Variants in LEMD1 observed in about 807,000 individuals in gnomAD.
The protein encoded by LEMD1 is LEM domain containing 1.
In LEMD1, 18 loss-of-function variants were observed where a neutral mutation model predicts 17.4. The ratio of observed to expected loss-of-function variants is 1.04; its 90% confidence interval spans 0.72 to 1.54. The LOEUF (loss-of-function observed/expected upper bound fraction) is 1.54, where lower values mean the gene tolerates loss of function less well. Ranked by LOEUF, LEMD1 falls within the 40% of genes most tolerant of loss-of-function variation. The pLI is 0.00. For synonymous variants in LEMD1, 88 were observed against 77.8 expected (o/e 1.13, Z -0.69); for missense variants, 195 against 210.4 (o/e 0.93, Z 0.45).
chr1:205,438,810 A>G (rs907089651), intron 1 of LEMD1, among the ~76,000 whole-genome samples: 12 of 152,074 alleles, frequency 7.9e-5, no homozygotes, highest in African/African-American at 2.9e-4. Context: ...CTCTGGAGCC[A>G]AGGGAGTTCT....
intron 4 of LEMD1, among the ~76,000 whole-genome samples, chr1:205,388,861 A>T (rs1312800718): frequency 6.6e-6 from 1 of 152,034 alleles, no homozygotes; most frequent in Non-Finnish European, 1.5e-5. Flanking sequence ...TTTTGTGCTA[A>T]TTCTGGCCTA....
intron 4 of LEMD1, among the ~76,000 whole-genome samples, chr1:205,407,329 C>CA (rs1202450022): frequency 0.14 from 7,618 of 54,834 alleles, 401 homozygotes; most frequent in Non-Finnish European, 0.19. Flanking sequence ...GACCCCATCT[C>CA]AAAAAAAAAA....
intron 4 of LEMD1, among the ~76,000 whole-genome samples, chr1:205,395,521 G>A (rs1207307124): frequency 6.6e-6 from 1 of 151,702 alleles, no homozygotes; most frequent in Non-Finnish European, 1.5e-5. Flanking sequence ...TTGAACCTGG[G>A]AGATGGATGT....
intron 1 of LEMD1, among the ~76,000 whole-genome samples, chr1:205,434,100 T>C (rs1322083312): frequency 6.6e-6 from 1 of 152,204 alleles, no homozygotes; most frequent in Non-Finnish European, 1.5e-5. Flanking sequence ...TATAGCATCT[T>C]TCTCTCTTTT....
chr1:205,425,510 C>A (rs1666042936), upstream of LEMD1, among the ~76,000 whole-genome samples: 1 of 152,054 alleles, frequency 6.6e-6, no homozygotes, highest in Admixed American at 6.6e-5. Flanking sequence ...TGAGAGGTGG[C>A]TGTATAATTA....
chr1:205,405,703 G>T (rs1665061581), intron 4 of LEMD1, among the ~76,000 whole-genome samples: 1 of 151,990 alleles, frequency 6.6e-6, no homozygotes, highest in Admixed American at 6.6e-5. Flanking sequence ...CTCTCAACTT[G>T]TCAAAGTCAT....
At chr1:205,443,696 G>C (rs993691257) in intron 1 of LEMD1, among the ~76,000 whole-genome samples, 1 of 152,176 alleles carries the variant, frequency 6.6e-6, no homozygotes, top group South Asian at 2.1e-4. Context: ...TCTCTAACAG[G>C]GTCTCTAAAA....
intron 1 of LEMD1, among the ~76,000 whole-genome samples, chr1:205,431,202 T>G (rs1666121470): frequency 6.6e-6 from 1 of 152,216 alleles, no homozygotes; most frequent in Admixed American, 6.5e-5. Context: ...ATTTAATCAT[T>G]CCTGACCTCT....
chr1:205,439,094 C>T (rs898419557), intron 1 of LEMD1, among the ~76,000 whole-genome samples: 1 of 152,206 alleles, frequency 6.6e-6, no homozygotes, highest in Non-Finnish European at 1.5e-5. Flanking sequence ...GCTAGGGAAA[C>T]ACATGCCCTC....
At chr1:205,417,724 A>G (rs1330695017) in intron 3 of LEMD1, among the ~76,000 whole-genome samples, 2 of 151,928 alleles carry the variant, frequency 1.3e-5, no homozygotes, top group African/African-American at 4.8e-5. Context: ...TGCCGCCTCC[A>G]ATGTCGGGAT....
intron 4 of LEMD1, among the ~76,000 whole-genome samples, chr1:205,392,456 C>T (rs1380602296): frequency 1.3e-5 from 2 of 151,190 alleles, no homozygotes; most frequent in East Asian, 1.9e-4. Flanking sequence ...GCAGGAGGAT[C>T]GTTTGAGCCC....
chr1:205,449,577 C>G (rs769599253), intron 1 of LEMD1, among the ~76,000 whole-genome samples: 3 of 152,084 alleles, frequency 2.0e-5, no homozygotes, highest in Non-Finnish European at 2.9e-5. Context: ...AACAACAGCA[C>G]AGCACAGCAC....
intron 1 of LEMD1, among the ~76,000 whole-genome samples, chr1:205,447,165 T>G (rs80149420): frequency 6.6e-6 from 1 of 152,326 alleles, no homozygotes; most frequent in Admixed American, 6.5e-5. Flanking sequence ...CCAGACCACG[T>G]GGGTTCACGT....
At chr1:205,439,423 T>A (rs1357264662) in intron 1 of LEMD1, among the ~76,000 whole-genome samples, 2 of 152,204 alleles carry the variant, frequency 1.3e-5, no homozygotes, top group Non-Finnish European at 2.9e-5. Flanking sequence ...TCCCACCCAA[T>A]CTGCCCAAAG....
chr1:205,447,454 TAGAC>T (rs1340418051), intron 1 of LEMD1, among the ~76,000 whole-genome samples: 2 of 152,110 alleles, frequency 1.3e-5, no homozygotes, highest in African/African-American at 2.4e-5. Flanking sequence ...TGGTCTGTCT[TAGAC>T]AGACTGGGGA....
chr1:205,413,202 G>A (rs376949477), intron 4 of LEMD1, among the ~76,000 whole-genome samples: 3 of 152,206 alleles, frequency 2.0e-5, no homozygotes, highest in East Asian at 3.8e-4. Flanking sequence ...GGTAGATTTG[G>A]TGAGGTGAGC....
chr1:205,408,748 C>T (rs1277701150), intron 4 of LEMD1, among the ~76,000 whole-genome samples: 1 of 152,006 alleles, frequency 6.6e-6, no homozygotes, highest in Non-Finnish European at 1.5e-5. Context: ...GATCCTCCCT[C>T]CTTGACCTCC....
At chr1:205,419,746 A>G (rs116200210) in intron 2 of LEMD1, among the ~76,000 whole-genome samples, 1,956 of 152,274 alleles carry the variant, frequency 0.013, 37 homozygotes, top group African/African-American at 0.044. Context: ...GATTACAGAC[A>G]TGAGCCACTG....
At chr1:205,416,181 CCT>C (rs1427892009) in intron 4 of LEMD1, 49 bp downstream of exon 4, 2 of 1,170,402 alleles carry the variant, frequency 1.7e-6, no homozygotes, top group Middle Eastern at 1.9e-4. Flanking sequence ...AGAGCTACTC[CCT>C]GTTTTTAATA....
Sources: allele counts gnomAD v4.1 joint callset (sites outside exome capture counted in the v4.1 genomes callset), GRCh38; gene constraint gnomAD v4.1.1; transcripts MANE v1.5; gene names NCBI Gene and HGNC (gene_info 2026-07-23, HGNC 2026-07-21).